The following MEF2A variants were observed in gnomAD, a reference collection of about 807,000 sequenced individuals.
MEF2A encodes the protein myocyte-specific enhancer factor 2A.
In MEF2A, 28 loss-of-function variants were observed where a neutral mutation model predicts 55.8. The observed-to-expected ratio is 0.50, with a 90% CI of 0.37 to 0.69. The LOEUF is 0.69. MEF2A is among the 30% of genes least tolerant of loss of function. MEF2A has a pLI of 0.00. For missense variants in MEF2A, 528 were observed against 626.2 expected, an observed-to-expected ratio of 0.84 and a Z score of 1.67; for synonymous variants, 239 against 227.1, an observed-to-expected ratio of 1.05 and a Z score of -0.47.
chr15:99,681,666 T>C (rs2053275280), intron 7 of MEF2A: 1 of 152,232 alleles, frequency 6.6e-6, no homozygotes, highest in Non-Finnish European at 1.5e-5. Context: ...ATTGCCTATT[T>C]TTGTTATAAA....
intron 4 of MEF2A, among the ~76,000 whole-genome samples, chr15:99,651,712 A>T (rs1220952066): frequency 6.6e-6 from 1 of 152,092 alleles, no homozygotes; most frequent in African/African-American, 2.4e-5. Context: ...TACTACTTTT[A>T]TTTTGCTGTG....
intron 5 of MEF2A, 81 bp from the exon 6 acceptor site, chr15:99,674,312 C>T: frequency 2.3e-6 from 3 of 1,297,038 alleles, no homozygotes; most frequent in South Asian, 3.0e-5. Flanking sequence ...CTTGAGTTAC[C>T]TTGCCAAATT....
chr15:99,579,666 G>A (rs1260418708), intron 1 of MEF2A, among the ~76,000 whole-genome samples: 1 of 152,200 alleles, frequency 6.6e-6, no homozygotes, highest in African/African-American at 2.4e-5. Flanking sequence ...AAAGTGCTGG[G>A]ATTACAGGCG....
At chr15:99,565,685 C>T (rs1959169015), upstream of MEF2A, 1 of 152,418 alleles carries the variant, frequency 6.6e-6, no homozygotes, top group African/African-American at 2.4e-5. Flanking sequence ...CGTCTCCTCA[C>T]CCACCCGGAA....
intron 1 of MEF2A, among the ~76,000 whole-genome samples, chr15:99,582,345 C>A (rs2152866014): frequency 6.6e-6 from 1 of 152,218 alleles, no homozygotes; most frequent in South Asian, 2.1e-4. Flanking sequence ...GTCCTTTCGT[C>A]ATTCTTCCTT....
At chr15:99,647,218 G>T (rs1288292536) in intron 4 of MEF2A, among the ~76,000 whole-genome samples, 1 of 151,300 alleles carries the variant, frequency 6.6e-6, no homozygotes, top group Non-Finnish European at 1.5e-5. Flanking sequence ...GTAAATTAGG[G>T]TATCATTCAG....
chr15:99,697,576 TGAAAG>T (rs1294071889), intron 8 of MEF2A, among the ~76,000 whole-genome samples: 2 of 148,960 alleles, frequency 1.3e-5, no homozygotes, highest in African/African-American at 5.2e-5. Flanking sequence ...ATGAAAGAAA[TGAAAG>T]AAGACCTAGA....
chr15:99,659,768 TC>T (rs1436226652), intron 4 of MEF2A, among the ~76,000 whole-genome samples: 1 of 152,212 alleles, frequency 6.6e-6, no homozygotes, highest in East Asian at 1.9e-4. Context: ...CATTTAGTTT[TC>T]CGTTCAGTGG....
chr15:99,631,932 T>C (rs577893122), intron 2 of MEF2A, among the ~76,000 whole-genome samples: 51 of 152,312 alleles, frequency 3.3e-4, no homozygotes, highest in African/African-American at 1.2e-3. Flanking sequence ...TTGATACACA[T>C]GTACAGTATT....
chr15:99,629,915 G>C (rs1428115213), intron 2 of MEF2A, among the ~76,000 whole-genome samples: 1 of 151,916 alleles, frequency 6.6e-6, no homozygotes, highest in African/African-American at 2.4e-5. Flanking sequence ...ACTCCAGCCT[G>C]GGTGACAGAG....
intron 2 of MEF2A, among the ~76,000 whole-genome samples, chr15:99,627,750 G>A (rs530998474): frequency 6.6e-5 from 10 of 152,284 alleles, no homozygotes; most frequent in African/African-American, 2.4e-4. Context: ...TCTTCCATGT[G>A]TGTTTGTGCT....
intron 8 of MEF2A, among the ~76,000 whole-genome samples, chr15:99,692,882 A>G (rs2055757804): frequency 6.6e-6 from 1 of 152,222 alleles, no homozygotes. Context: ...TGGAAAAGGC[A>G]AAATATCTCA....
chr15:99,707,481 T>G (rs2058162565), intron 10 of MEF2A, among the ~76,000 whole-genome samples: 1 of 152,178 alleles, frequency 6.6e-6, no homozygotes, highest in Non-Finnish European at 1.5e-5. Context: ...CATTTCATCT[T>G]AAAATGCCCT....
At chr15:99,593,032 T>C (rs1233042131) in intron 1 of MEF2A, among the ~76,000 whole-genome samples, 10 of 152,228 alleles carry the variant, frequency 6.6e-5, no homozygotes, top group Admixed American at 6.5e-4. Context: ...TTAAAATTAA[T>C]TTCACCTTCT....
rs778791945 is a variant in MEF2A, at chr15:99,712,539, C to G, written c.1286C>G (p.Pro429Arg). The change falls in exon 12 of 12, where the codon CCG (proline) becomes CGG (arginine). Residue 429 changes from proline (P) to arginine (R), a missense_variant. Coordinates refer to ENST00000557942, the MANE Select transcript of MEF2A (RefSeq NM_001319206.4). The surrounding 1 kb of genome is among the most constrained non-coding windows in gnomAD (Gnocchi z 4.1). ...CAGCAGCAGCAGCAGCAGCAGCAGC[C>G]GCCGCCACCACCGCAGCCCCAGCCA... ...QQQQQQQQQQ[P>R]PPPPQPQPQP... is the part of the protein sequence containing the mutation. The G allele has an allele frequency of 2.6e-6, 4 of 1,518,188 alleles. No individual in the cohort carries two copies. Among genetic ancestry groups the G allele is most frequent in the East Asian group, 2.8e-5 (1 of 36,046 alleles). The allele number at this position is 1,518,188 out of a possible 1,614,324, so 94.0% of individuals were successfully genotyped here.
intron 1 of MEF2A, among the ~76,000 whole-genome samples, chr15:99,595,731 G>A (rs1265461658): frequency 1.3e-5 from 2 of 152,224 alleles, no homozygotes; most frequent in Non-Finnish European, 1.5e-5. Context: ...TAGTTAAGGT[G>A]TACTGAAGAT....
chr15:99,674,643 T>C, intron 6 of MEF2A, 31 bp downstream of exon 6: 5 of 1,554,062 alleles, frequency 3.2e-6, no homozygotes, highest in Non-Finnish European at 4.4e-6. Flanking sequence ...TGCTGGTTCT[T>C]TAATAAAGAG....
intron 1 of MEF2A, among the ~76,000 whole-genome samples, chr15:99,596,512 G>C (rs1971219306): frequency 6.6e-6 from 1 of 152,134 alleles, no homozygotes; most frequent in Non-Finnish European, 1.5e-5. Flanking sequence ...GCCCCCAGAG[G>C]AGGTGTCCGT....
At chr15:99,625,066 G>A (rs1314941677) in intron 2 of MEF2A, among the ~76,000 whole-genome samples, 5 of 152,294 alleles carry the variant, frequency 3.3e-5, no homozygotes, top group Non-Finnish European at 7.4e-5. Context: ...TTCTGAGCAC[G>A]TTTAAGATAG....
Sources: allele counts gnomAD v4.1 joint callset (sites outside exome capture counted in the v4.1 genomes callset), GRCh38; gene constraint gnomAD v4.1.1; non-coding constraint Gnocchi (gnomAD v3.1); transcripts MANE v1.5; gene names NCBI Gene and HGNC (gene_info 2026-07-23, HGNC 2026-07-21).